CSDE1: variants seen among roughly 807,000 people sequenced by gnomAD.
The protein encoded by CSDE1 is cold shock domain-containing protein E1.
A neutral mutation model predicts 89.3 loss-of-function variants in CSDE1; 17 were observed. That is an observed-to-expected ratio of 0.19 (90% CI 0.13 to 0.29). CSDE1 has a LOEUF of 0.29. CSDE1 is among the 10% of genes least tolerant of loss of function. CSDE1 has a pLI of 1.00. For missense variants in CSDE1, 672 were observed against 984.2 expected (o/e 0.68, Z 4.24); for synonymous variants, 322 against 332.8 (o/e 0.97, Z 0.35).
At position 114,738,023 on chromosome 1, in the gene CSDE1, A is replaced by T; in HGVS notation, c.249T>A (p.Ile83=). The change falls in exon 4 of 20, where the codon ATT becomes ATA. Residue 83 remains isoleucine (I), a synonymous_variant. Transcript: ENST00000358528. ...GTTTTATCTTCACCAGTTTAACAGC[A>T]ATGGGTTTCCCAGTCCGTCGGTCCG... is the stretch of plus-strand genomic sequence containing the variant. ...VSSDRRTGKP[I]AVKLVKIKQE... 5 of 1,614,094 alleles carry T rather than the reference A, an allele frequency of 3.1e-6. No individual in the cohort carries two copies. Among genetic ancestry groups the T allele is most frequent in the Non-Finnish European group, 3.4e-6 (4 of 1,179,936 alleles).
At position 114,720,745 on chromosome 1, in the gene CSDE1, C is replaced by A. The variant is rs777631111; in HGVS notation, c.1874-28G>T. 3.7e-6 allele frequency: 6 copies of A among 1,608,624 alleles called. No individual in the cohort carries two copies. The Admixed American group carries it at 1.0e-4, about 27-fold the overall frequency. ...GTAAAACAGGTACAAAGTCTAAAAGCTAGTATTTCACAACAGTCCTCTGCT... is the reference window on the plus strand; with the variant it reads ...GTAAAACAGGTACAAAGTCTAAAAGATAGTATTTCACAACAGTCCTCTGCT... On this transcript the variant is annotated intron_variant, in intron 16 of 19. Transcript: ENST00000358528.
chr1:114,745,129 C>T (rs1660946724), intron 2 of CSDE1, among the ~76,000 whole-genome samples: 1 of 152,082 alleles, frequency 6.6e-6, no homozygotes, highest in Non-Finnish European at 1.5e-5. Flanking sequence ...ACACACACAC[C>T]ACTTTTATGG....
chr1:114,725,641 T>G (rs1257844077), intron 14 of CSDE1, among the ~76,000 whole-genome samples: 8 of 50,018 alleles, frequency 1.6e-4, no homozygotes, highest in African/African-American at 6.4e-4. Flanking sequence ...CCTTACTTTC[T>G]ATTTTTTTTT....
intron 2 of CSDE1, chr1:114,746,714 A>T (rs1448113999): frequency 3.3e-5 from 5 of 152,194 alleles, no homozygotes; most frequent in African/African-American, 1.2e-4. Context: ...GACTTCTCTA[A>T]AATCAGTCTC....
Position 114,737,966 on chromosome 1 carries a change from T to A in CSDE1, c.306A>T (p.Gly102=). ...QEILPEERMN[G]QVVCAVPHNL... is the part of the protein sequence containing the mutation. Reference sequence around the variant, plus strand: ...ACAAAGCATCAAAGTCACTAACTTGTCCATTCATTCGTTCTTCAGGGAGGA... The same window carrying A: ...ACAAAGCATCAAAGTCACTAACTTGACCATTCATTCGTTCTTCAGGGAGGA... The change falls in exon 4 of 20, where the codon GGA becomes GGT. Residue 102 remains glycine, a synonymous_variant. Coordinates refer to ENST00000358528, the MANE Select transcript of CSDE1 (RefSeq NM_001007553.3). 1 of 1,604,450 alleles carries A rather than the reference T, an allele frequency of 6.2e-7. No homozygotes were observed. Among genetic ancestry groups the A allele is most frequent in the Non-Finnish European group, 8.5e-7 (1 of 1,171,154 alleles).
chr1:114,752,163 C>G (rs1195968409), intron 1 of CSDE1, among the ~76,000 whole-genome samples: 2 of 152,110 alleles, frequency 1.3e-5, no homozygotes, highest in East Asian at 1.9e-4. Flanking sequence ...CTACTTAGGA[C>G]TGGGAAGTCA....
chr1:114,741,680 T>C (rs574630502), intron 2 of CSDE1: 12 of 1,530,894 alleles, frequency 7.8e-6, no homozygotes, highest in Non-Finnish European at 9.7e-6. Context: ...ACAGCTGTTA[T>C]AACATAGCAT....
At chr1:114,737,586 T>A (rs1298953345) in intron 4 of CSDE1, 23 bp from the exon 5 acceptor site, 16 of 1,493,094 alleles carry the variant, frequency 1.1e-5, no homozygotes, top group Non-Finnish European at 1.4e-5. Context: ...AAAAAAAAAA[T>A]TTCCATTGCT....
intron 2 of CSDE1, 115 bp downstream of exon 2, chr1:114,749,706 A>G (rs1342187841): frequency 6.6e-6 from 1 of 152,502 alleles, no homozygotes; most frequent in Non-Finnish European, 1.5e-5. Flanking sequence ...TGAGAATAGA[A>G]AAACTGTCTT....
At position 114,725,126 on chromosome 1, in the gene CSDE1, T is replaced by C. The variant is rs1003343873; in HGVS notation, c.1753+95A>G. On this transcript the variant is annotated intron_variant, in intron 15 of 19. Coordinates refer to ENST00000358528, the MANE Select transcript of CSDE1 (RefSeq NM_001007553.3). The stretch of plus-strand genomic sequence containing the variant: ...CTATGGAATCGCACATGAGAATGAC[T>C]GATGTAGAATAATTAGGCCTCATCT... 3.3e-6 allele frequency: 3 copies of C among 916,862 alleles called. No individual in the cohort carries two copies. The African/African-American group carries it at 4.9e-5, about 15-fold the overall frequency. 56.8% of individuals were successfully genotyped at this position (916,862 alleles called of 1,614,324 possible).
intron 5 of CSDE1, among the ~76,000 whole-genome samples, chr1:114,737,265 T>C (rs1247167685): frequency 1.3e-5 from 2 of 152,176 alleles, no homozygotes; most frequent in Admixed American, 6.5e-5. Context: ...ACTAAGGTCA[T>C]ACTTGGGCAA....
At chr1:114,726,046 T>C (rs1659777679) in intron 14 of CSDE1, among the ~76,000 whole-genome samples, 165 bp downstream of exon 14, 1 of 152,242 alleles carries the variant, frequency 6.6e-6, no homozygotes, top group South Asian at 2.1e-4. Context: ...AGGCTCTGTA[T>C]ATAGTAAGAT....
intron 12 of CSDE1, chr1:114,727,572 G>GCA (rs1659863579): frequency 1.3e-5 from 2 of 152,444 alleles, no homozygotes; most frequent in South Asian, 4.1e-4. Flanking sequence ...GTATGATCTA[G>GCA]CACAGTTCAA....
At chr1:114,739,365 A>G (rs1475833687) in intron 3 of CSDE1, among the ~76,000 whole-genome samples, 1 of 152,204 alleles carries the variant, frequency 6.6e-6, no homozygotes, top group Admixed American at 6.5e-5. Flanking sequence ...TACTTTTTTC[A>G]GGTACTACCC....
intron 1 of CSDE1, among the ~76,000 whole-genome samples, chr1:114,751,823 T>C (rs1390560762): frequency 6.6e-6 from 1 of 152,194 alleles, no homozygotes; most frequent in African/African-American, 2.4e-5. Flanking sequence ...ATGTTGCAAG[T>C]TGTGTTAGTA....
At chr1:114,720,822 A>G in intron 16 of CSDE1, 105 bp from the exon 17 acceptor site, 1 of 985,634 alleles carries the variant, frequency 1.0e-6, no homozygotes, top group Non-Finnish European at 1.5e-6. Context: ...TGTTACTTAA[A>G]ATATATTTAC....
intron 1 of CSDE1, among the ~76,000 whole-genome samples, chr1:114,756,481 C>T (rs1337891973): frequency 1.3e-5 from 2 of 152,140 alleles, no homozygotes; most frequent in Admixed American, 1.3e-4. Flanking sequence ...CTCCTCAATG[C>T]AATATCAAGA....
At chr1:114,743,576 A>T (rs1177710364) in intron 2 of CSDE1, among the ~76,000 whole-genome samples, 1 of 152,232 alleles carries the variant, frequency 6.6e-6, no homozygotes, top group Non-Finnish European at 1.5e-5. Flanking sequence ...ATATGCCTTA[A>T]AGCTGCAAAA....
rs1483252623 is a variant in CSDE1 at position 114,718,666 on chromosome 1, T to C, written c.2296A>G (p.Ser766Gly). The change falls in exon 19 of 20, where the codon AGT becomes GGT. Residue 766 changes from serine (S) to glycine (G), a missense_variant. Physicochemically the swap from Ser to Gly is moderately conservative, Grantham distance 56. Around this residue, in one of 8 missense-constraint regions of CSDE1, gnomAD observed 206 missense variants for 332.4 expected, o/e 0.62. Transcript: ENST00000358528. The part of the protein sequence containing the change: ...RLKNITLDDA[S>G]APRLMVLRQP... ...CGAAGAACCATTAGGCGAGGAGCAC[T>C]GGCATCATCCAGAGTGATATTCTTC... The C allele has an allele frequency of 6.2e-7, 1 of 1,614,232 alleles. No individual in the cohort carries two copies. Among genetic ancestry groups the C allele is most frequent in the South Asian group, 1.1e-5 (1 of 91,092 alleles).
Sources: gnomAD v4.1 joint callset for allele counts (sites outside exome capture counted in the v4.1 genomes callset) on GRCh38, gnomAD v4.1.1 for gene constraint, gnomAD v4.1.1 regional missense constraint, MANE v1.5 for transcripts, NCBI Gene and HGNC (gene_info 2026-07-23, HGNC 2026-07-21) for gene names.